The following NPAS3 variants were observed in gnomAD, a reference collection of about 807,000 sequenced individuals.
NPAS3 encodes neuronal PAS domain protein 3.
In NPAS3, 14 loss-of-function variants were observed where a neutral mutation model predicts 73.1. The ratio of observed to expected loss-of-function variants is 0.19; its 90% CI spans 0.13 to 0.30. The LOEUF (loss-of-function observed/expected upper bound fraction) is 0.30, where lower values mean the gene tolerates loss of function less well. NPAS3 is among the 10% of genes least tolerant of loss of function. NPAS3 has a pLI of 1.00. For missense variants in NPAS3, 1,096 were observed against 1,250.0 expected, an observed-to-expected ratio of 0.88 and a Z score of 1.86; for synonymous variants, 620 against 541.5, an observed-to-expected ratio of 1.14 and a Z score of -2.01.
chr14:33,056,074 G>T, intron 2 of NPAS3, 80 bp downstream of exon 2: 1 of 618,758 alleles, frequency 1.6e-6, no homozygotes, highest in East Asian at 3.0e-5. Context: ...AAATATCCTT[G>T]TATTGAAACC....
At chr14:32,969,935 C>G (rs1485110612) in intron 1 of NPAS3, among the ~76,000 whole-genome samples, 1 of 152,008 alleles carries the variant, frequency 6.6e-6, no homozygotes, top group Admixed American at 6.6e-5. Context: ...AAAAGAAAAC[C>G]ACATTACTAA....
intron 8 of NPAS3, among the ~76,000 whole-genome samples, chr14:33,777,551 C>T (rs1002433664): frequency 9.1e-5 from 13 of 143,030 alleles, no homozygotes; most frequent in East Asian, 7.8e-4. Flanking sequence ...GACCATATGC[C>T]GTAAGTCATA....
At position 33,578,821 on chromosome 14, in the gene NPAS3, CAG is replaced by C. The variant is rs1373152681; in HGVS notation, c.558+18612_558+18613del. The stretch of plus-strand genomic sequence containing the variant: ...ATTTATTCATCATCTAATGAAACCA[CAG>C]GGGAAAACAAAACAAAACAAAACAA... On this transcript the variant is annotated intron_variant, in intron 5 of 11. Coordinates refer to ENST00000356141, the Ensembl canonical transcript of NPAS3. Among the ~76,000 whole-genome samples the C allele has an allele frequency of 1.2e-4, 19 of 152,046 alleles. 1 individual carries two copies. The highest frequency in any genetic ancestry group is 3.9e-4 in the African/African-American group (16 of 41,386).
intron 1 of NPAS3, among the ~76,000 whole-genome samples, chr14:33,011,597 AAATGACAT>A (rs1476046230): frequency 6.6e-6 from 1 of 152,218 alleles, no homozygotes; most frequent in African/African-American, 2.4e-5. Context: ...AGGTTGAACA[AAATGACAT>A]TGTTGGAGGA....
chr14:33,172,119 A>G (rs577744455), intron 2 of NPAS3, among the ~76,000 whole-genome samples: 3 of 152,320 alleles, frequency 2.0e-5, no homozygotes, highest in African/African-American at 4.8e-5. Flanking sequence ...CACCCACCAC[A>G]TAACAGATAT....
intron 6 of NPAS3, among the ~76,000 whole-genome samples, chr14:33,694,778 G>A (rs1338408074): frequency 6.6e-6 from 1 of 152,104 alleles, no homozygotes; most frequent in Non-Finnish European, 1.5e-5. Flanking sequence ...CTTTCCATCA[G>A]ATACTCTGCG....
At chr14:33,258,553 G>A (rs1232628540) in intron 3 of NPAS3, among the ~76,000 whole-genome samples, 1 of 152,170 alleles carries the variant, frequency 6.6e-6, no homozygotes, top group African/African-American at 2.4e-5. Flanking sequence ...GCTATGGAAA[G>A]CTGAAGAAAA....
At chr14:33,419,338 C>T (rs968426123) in intron 4 of NPAS3, among the ~76,000 whole-genome samples, 1 of 151,702 alleles carries the variant, frequency 6.6e-6, no homozygotes, top group Non-Finnish European at 1.5e-5. Context: ...AACATCAACG[C>T]ATTTTTTTCA....
In NPAS3 at chr14:33,437,827, A is replaced by G. The variant is rs74332815; in HGVS notation, c.468+70559A>G. ...CCTGTCACAACTTTTCAGATGTGGT[A>G]GGGTAGACCATGTGTTCAAGGACCA... On this transcript the variant is annotated intron_variant, in intron 4 of 11. Transcript: ENST00000356141. 5.2e-3 allele frequency among the ~76,000 whole-genome samples: 786 copies of G among 152,348 alleles called. 7 individuals are homozygous for G. The highest frequency in any genetic ancestry group is 0.018 in the African/African-American group (748 of 41,578).
At chr14:33,163,702 G>A (rs972552236) in intron 2 of NPAS3, among the ~76,000 whole-genome samples, 7 of 128,328 alleles carry the variant, frequency 5.5e-5, no homozygotes, top group African/African-American at 1.7e-4. Context: ...TTAGTCTTGT[G>A]TCATTATACC....
chr14:33,545,236 AC>A (rs992874377), intron 4 of NPAS3, among the ~76,000 whole-genome samples: 1 of 152,024 alleles, frequency 6.6e-6, no homozygotes, highest in African/African-American at 2.4e-5. Context: ...CTCCTATGTA[AC>A]ACATTTAGTT....
intron 2 of NPAS3, among the ~76,000 whole-genome samples, chr14:33,109,810 CTTTTTTT>C (rs67439887): frequency 2.3e-5 from 2 of 86,974 alleles, no homozygotes; most frequent in South Asian, 4.8e-4. Flanking sequence ...ATTTGCATGT[CTTTTTTT>C]TTTTTTTTTT....
At chr14:33,154,740 A>C (rs940777293) in intron 2 of NPAS3, among the ~76,000 whole-genome samples, 1 of 152,324 alleles carries the variant, frequency 6.6e-6, no homozygotes, top group Middle Eastern at 3.4e-3. Context: ...GCTTCCTAAC[A>C]AACAAATATG....
chr14:33,246,118 T>C (rs2048364588), intron 3 of NPAS3, among the ~76,000 whole-genome samples: 3 of 152,086 alleles, frequency 2.0e-5, no homozygotes, highest in Admixed American at 2.0e-4. Context: ...AAGTTTATGA[T>C]ATGCCTCGAG....
chr14:33,130,168 C>T (rs1386488886), intron 2 of NPAS3, among the ~76,000 whole-genome samples: 2 of 152,152 alleles, frequency 1.3e-5, no homozygotes, highest in African/African-American at 4.8e-5. Context: ...CTTCTTTATG[C>T]GTACGGCAGA....
chr14:33,054,760 C>T lies in NPAS3; in HGVS notation c.51-1145C>T, dbSNP rs947176267. Among the ~76,000 whole-genome samples, 3 of 151,690 alleles carry T rather than the reference C, an allele frequency of 2.0e-5. No homozygotes were observed. The East Asian group carries it at 5.8e-4, about 30-fold the overall frequency. On this transcript the variant is annotated intron_variant, in intron 1 of 11. Coordinates refer to ENST00000356141, the Ensembl canonical transcript of NPAS3. The stretch of plus-strand genomic sequence containing the variant: ...CCCAAGTAGCTGGGACTACAGGCGC[C>T]GACCACCACGCCCGGCTAATTTTTT...
chr14:33,558,770 T>A (rs2055488299), intron 4 of NPAS3, among the ~76,000 whole-genome samples: 1 of 152,020 alleles, frequency 6.6e-6, no homozygotes, highest in Non-Finnish European at 1.5e-5. Context: ...TTCTATATTT[T>A]ACAAATTTTG....
chr14:33,154,749 T>C (rs2044587032), intron 2 of NPAS3, among the ~76,000 whole-genome samples: 1 of 152,206 alleles, frequency 6.6e-6, no homozygotes, highest in African/African-American at 2.4e-5. Flanking sequence ...CAAACAAATA[T>C]GACAATTAGT....
At chr14:33,043,721 G>C (rs1418520148) in intron 1 of NPAS3, among the ~76,000 whole-genome samples, 1 of 151,740 alleles carries the variant, frequency 6.6e-6, no homozygotes, top group African/African-American at 2.4e-5. Context: ...GCACAGGATT[G>C]TTAAATATGA....
Sources: gnomAD v4.1 joint callset for allele counts (sites outside exome capture counted in the v4.1 genomes callset) on GRCh38, gnomAD v4.1.1 for gene constraint, MANE v1.5 for transcripts, NCBI Gene and HGNC (gene_info 2026-07-23, HGNC 2026-07-21) for gene names.